ERGIC1: variants seen among roughly 807,000 people sequenced by gnomAD.
The protein encoded by ERGIC1 is endoplasmic reticulum-Golgi intermediate compartment protein 1.
A neutral mutation model predicts 38.3 loss-of-function variants in ERGIC1; 19 were observed. The observed-to-expected ratio is 0.50, with a 90% CI of 0.35 to 0.73. The LOEUF (loss-of-function observed/expected upper bound fraction) is 0.73, where lower values mean the gene tolerates loss of function less well. Among genes scored for constraint, ERGIC1 ranks in the 30% least tolerant of loss-of-function variants. The probability of loss-of-function intolerance (pLI) is 0.01; values close to 1 mark genes in which losing one functional copy is unlikely to be tolerated. For synonymous variants in ERGIC1, 124 were observed against 157.6 expected, an observed-to-expected ratio of 0.79 and a Z score of 1.60; for missense variants, 294 against 389.2, an observed-to-expected ratio of 0.76 and a Z score of 2.06.
At chr5:172,893,729 T>C (rs146315994) in intron 2 of ERGIC1, among the ~76,000 whole-genome samples, 58 of 151,250 alleles carry the variant, frequency 3.8e-4, no homozygotes, top group Admixed American at 9.3e-4. Context: ...AATTTGAAAT[T>C]TATCTCTCTG....
chr5:172,915,175 C>T (rs1358471318), intron 5 of ERGIC1: 1 of 624,286 alleles, frequency 1.6e-6, no homozygotes, highest in African/African-American at 1.8e-5. Context: ...GTCACTTGAC[C>T]CATCTTAGGC....
chr5:172,853,581 T>A (rs949033968), intron 1 of ERGIC1, among the ~76,000 whole-genome samples: 4 of 152,160 alleles, frequency 2.6e-5, no homozygotes, highest in Non-Finnish European at 5.9e-5. Context: ...GGCAATGTGC[T>A]GGTTAAAATG....
chr5:172,937,515 A>T (rs1763911631), intron 9 of ERGIC1: 1 of 152,156 alleles, frequency 6.6e-6, no homozygotes, highest in Admixed American at 6.5e-5. Flanking sequence ...AAGAAAAGTT[A>T]AAAAATTAGC....
intron 7 of ERGIC1, among the ~76,000 whole-genome samples, chr5:172,929,028 C>A (rs558022986): frequency 7.2e-5 from 11 of 152,222 alleles, no homozygotes; most frequent in Admixed American, 3.9e-4. Context: ...GAGAAACTTT[C>A]CTATATCAAA....
Position 172,834,492 on chromosome 5 carries a change from G to A in ERGIC1, c.20+59G>A, listed in dbSNP as rs998797896. ...CCTCAGCGGGCAGAGGGAGCGCCCC[G>A]GCACGCCGCGGACCCCTCCCGCCCT... On this transcript the variant is annotated intron_variant, in intron 1 of 9. Transcript: ENST00000393784. The surrounding 1 kb of genome is among the most constrained non-coding windows in gnomAD (Gnocchi z 4.1). The A allele has an allele frequency of 3.6e-5, 46 of 1,267,810 alleles. No individual in the cohort carries two copies. The highest frequency in any genetic ancestry group is 4.3e-5 in the Non-Finnish European group (43 of 1,003,966). The allele number at this position is 1,267,810 out of a possible 1,614,324, so 78.5% of individuals were successfully genotyped here. A position where few individuals can be genotyped will look rare whatever the true frequency, so the allele number is the denominator to read the frequency against.
intron 1 of ERGIC1, among the ~76,000 whole-genome samples, chr5:172,868,595 A>G (rs1359139253): frequency 6.6e-6 from 1 of 152,220 alleles, no homozygotes; most frequent in Non-Finnish European, 1.5e-5. Context: ...TAGGGCAGTG[A>G]AACTGTGTGT....
chr5:172,863,918 G>A (rs886833832), intron 1 of ERGIC1, among the ~76,000 whole-genome samples: 3 of 152,110 alleles, frequency 2.0e-5, no homozygotes, highest in Non-Finnish European at 2.9e-5. Flanking sequence ...CAACATGGCC[G>A]GGCGCGGTGG....
chr5:172,913,552 C>CA, intron 4 of ERGIC1, among the ~76,000 whole-genome samples: 1 of 152,366 alleles, frequency 6.6e-6, no homozygotes, highest in Non-Finnish European at 1.5e-5. Context: ...TCGAGGAACA[C>CA]AGAGTTGTTC....
intron 1 of ERGIC1, among the ~76,000 whole-genome samples, chr5:172,863,877 A>G (rs938255331): frequency 6.6e-6 from 1 of 152,172 alleles, no homozygotes; most frequent in Non-Finnish European, 1.5e-5. Flanking sequence ...ATACATTTAT[A>G]TCACAACCCA....
At chr5:172,918,672 A>C (rs912721058) in intron 5 of ERGIC1, among the ~76,000 whole-genome samples, 1 of 152,202 alleles carries the variant, frequency 6.6e-6, no homozygotes, top group African/African-American at 2.4e-5. Flanking sequence ...ATGAGGAGAG[A>C]AGGGGCCGCT....
intron 5 of ERGIC1, among the ~76,000 whole-genome samples, chr5:172,919,564 T>G (rs1763457847): frequency 6.6e-6 from 1 of 152,224 alleles, no homozygotes; most frequent in Non-Finnish European, 1.5e-5. Context: ...GACAGACCTG[T>G]GGTCAAGGAT....
chr5:172,876,147 T>A (rs1264805414), intron 1 of ERGIC1, among the ~76,000 whole-genome samples: 3 of 152,222 alleles, frequency 2.0e-5, no homozygotes, highest in African/African-American at 7.2e-5. Context: ...GGCAGATGGA[T>A]CACTGCGTTC....
chr5:172,884,244 G>GTTTTT (rs71579704), intron 1 of ERGIC1, among the ~76,000 whole-genome samples: 3 of 90,614 alleles, frequency 3.3e-5, no homozygotes, highest in Non-Finnish European at 4.3e-5. Flanking sequence ...GGAACCCCAA[G>GTTTTT]TTTTTTTTTT....
intron 2 of ERGIC1, among the ~76,000 whole-genome samples, chr5:172,893,066 C>T (rs75176170): frequency 0.047 from 7,094 of 152,292 alleles, 499 homozygotes; most frequent in African/African-American, 0.16. Flanking sequence ...CTGGGACACA[C>T]GTCTACAAGC....
intron 2 of ERGIC1, among the ~76,000 whole-genome samples, chr5:172,889,292 A>C (rs1012059554): frequency 2.0e-5 from 3 of 152,130 alleles, no homozygotes; most frequent in African/African-American, 7.2e-5. Flanking sequence ...CTAAAAAAAA[A>C]CAGTAGCTGC....
chr5:172,935,025 C>G, intron 8 of ERGIC1, 163 bp from the exon 9 acceptor site: 1 of 1,034,982 alleles, frequency 9.7e-7, no homozygotes. Context: ...TTCAGGGCCT[C>G]CAGGGGAAGG....
In ERGIC1 at chr5:172,910,824, C is replaced by T. The variant is rs190940001; in HGVS notation, c.250+1063C>T. 3.2e-4 allele frequency among the ~76,000 whole-genome samples: 49 copies of T among 152,194 alleles called. 2 individuals carry two copies. In the East Asian group the frequency reaches 9.1e-3, roughly 28 times the overall value. On this transcript the variant is annotated intron_variant, in intron 4 of 9. Coordinates refer to ENST00000393784, the MANE Select transcript of ERGIC1 (RefSeq NM_001031711.3). ...ACAGGCATGAGCCACCGTGCCTGGC[C>T]CAGAATGAATTACTTCTACAAAACA...
At chr5:172,847,735 G>T (rs1347366211) in intron 1 of ERGIC1, among the ~76,000 whole-genome samples, 2 of 152,202 alleles carry the variant, frequency 1.3e-5, no homozygotes, top group South Asian at 4.1e-4. Context: ...GGATGGTCTC[G>T]ATCCGTTGAC....
chr5:172,862,032 C>T (rs112821443), intron 1 of ERGIC1, among the ~76,000 whole-genome samples: 6 of 151,602 alleles, frequency 4.0e-5, no homozygotes, highest in Non-Finnish European at 5.9e-5. Flanking sequence ...GCTCTTGTCA[C>T]CCAGGCTAGA....
Sources: allele counts gnomAD v4.1 joint callset (sites outside exome capture counted in the v4.1 genomes callset), GRCh38; gene constraint gnomAD v4.1.1; non-coding constraint Gnocchi (gnomAD v3.1); transcripts MANE v1.5; gene names NCBI Gene and HGNC (gene_info 2026-07-23, HGNC 2026-07-21).